Variants in CELF2 observed in about 807,000 individuals in gnomAD.
CELF2 encodes the protein CUG triplet repeat RNA-binding protein 2.
CELF2 carries 8 observed loss-of-function variants against 62.6 expected under a neutral mutation model. The observed-to-expected ratio is 0.13, with a 90% CI of 0.07 to 0.23. The LOEUF is 0.23. Among genes scored for constraint, CELF2 ranks in the 10% least tolerant of loss-of-function variants. The pLI is 1.00. For missense variants in CELF2, 333 were observed against 671.0 expected (o/e 0.50, Z 5.56); for synonymous variants, 258 against 250.0 (o/e 1.03, Z -0.30).
rs540585595 is a variant in CELF2, at chr10:10,995,883, A to G, written c.89+75884A>G. On this transcript the variant is annotated intron_variant, in intron 2 of 13. Coordinates refer to the CELF2 transcript ENST00000636488. This position sits in a 1 kb window ranked among gnomAD's most constrained non-coding sequence, Gnocchi z 4.7. ...TGGGCATTCTAGTTTCTATATATTT[A>G]TGTTCATCAAATTATGCATTGGTTC... 2.0e-5 allele frequency among the ~76,000 whole-genome samples: 3 copies of G among 152,148 alleles called. No homozygotes were observed. The highest frequency in any genetic ancestry group is 4.4e-5 in the Non-Finnish European group (3 of 68,026).
chr10:10,863,214 A>G (rs1186542111), intron 1 of CELF2, among the ~76,000 whole-genome samples: 1 of 152,208 alleles, frequency 6.6e-6, no homozygotes, highest in African/African-American at 2.4e-5. Flanking sequence ...AATTTTCTTT[A>G]TTAGAGTCCC....
At chr10:11,106,931 G>A (rs1374306841) in intron 1 of CELF2, among the ~76,000 whole-genome samples, 1 of 152,206 alleles carries the variant, frequency 6.6e-6, no homozygotes, top group East Asian at 1.9e-4. Context: ...CACCTCCTGT[G>A]CCTGCAGGGG....
At chr10:11,273,962 A>ACC (rs2084922130) in intron 7 of CELF2, among the ~76,000 whole-genome samples, 2 of 20,834 alleles carry the variant, frequency 9.6e-5, no homozygotes, top group African/African-American at 2.2e-4. Flanking sequence ...ACCTCAAGTG[A>ACC]TCCCCACCCC....
intron 1 of CELF2, among the ~76,000 whole-genome samples, chr10:10,895,725 T>C (rs1268335670): frequency 2.0e-5 from 3 of 152,062 alleles, no homozygotes; most frequent in Admixed American, 6.5e-5. Context: ...ACCAAAAACA[T>C]GGGCAAAATA....
chr10:11,261,395 A>G (rs1435050053), intron 5 of CELF2, among the ~76,000 whole-genome samples: 4 of 147,314 alleles, frequency 2.7e-5, no homozygotes, highest in Admixed American at 6.8e-5. Flanking sequence ...AAGTCGTGCT[A>G]TACTTTCAGT....
rs1393104516 is a variant in CELF2, at chr10:10,953,595, A to T, written c.89+33596A>T. Among the ~76,000 whole-genome samples, 7 of 152,222 alleles carry T rather than the reference A, an allele frequency of 4.6e-5. No individual in the cohort carries two copies. The South Asian group carries it at 1.4e-3, about 31-fold the overall frequency. ...AGTTAGAGCCATACCTTCCACCAGG[A>T]TGAATTTCAAATGGATCAAAGACTT... On this transcript the variant is annotated intron_variant, in intron 2 of 13. Transcript: ENST00000636488.
At chr10:10,717,026 G>A in the CELF2 span, among the ~76,000 whole-genome samples, 2 of 152,098 alleles carry the variant, frequency 1.3e-5, no homozygotes, top group African/African-American at 4.8e-5. Context: ...GGACTCAGTG[G>A]GATCATAATG....
chr10:11,085,487 A>G (rs1003110946), intron 1 of CELF2, among the ~76,000 whole-genome samples: 1 of 152,218 alleles, frequency 6.6e-6, no homozygotes, highest in African/African-American at 2.4e-5. Context: ...GGCAATAACA[A>G]TAATAGCTAA....
intron 1 of CELF2, among the ~76,000 whole-genome samples, chr10:11,119,969 T>G (rs1300381537): frequency 1.3e-5 from 2 of 151,580 alleles, no homozygotes; most frequent in Non-Finnish European, 2.9e-5. Flanking sequence ...CACATATAAT[T>G]GTGCAACTTC....
chr10:10,644,880 G>C, the CELF2 span, among the ~76,000 whole-genome samples: 1,419 of 152,256 alleles, frequency 9.3e-3, 32 homozygotes, highest in Non-Finnish European at 8.7e-3. Context: ...GAAAATGTCA[G>C]ATGGGGTTCA....
intron 1 of CELF2, among the ~76,000 whole-genome samples, chr10:10,870,291 T>G (rs771259253): frequency 6.6e-6 from 1 of 152,196 alleles, no homozygotes; most frequent in Non-Finnish European, 1.5e-5. Flanking sequence ...CATAAGTCAT[T>G]GAGATTATTT....
chr10:11,140,465 C>A (rs772362020), intron 1 of CELF2, among the ~76,000 whole-genome samples: 1 of 152,006 alleles, frequency 6.6e-6, no homozygotes, highest in Non-Finnish European at 1.5e-5. Flanking sequence ...CTGTGAAATA[C>A]TGTAGGTGTG....
Position 10,993,410 on chromosome 10 carries a change from G to GT in CELF2, c.89+73412dup, listed in dbSNP as rs1345507563. 6.6e-6 allele frequency among the ~76,000 whole-genome samples: 1 copy of GT among 152,144 alleles called. No homozygotes were observed. Among genetic ancestry groups the GT allele is most frequent in the Admixed American group, 6.5e-5 (1 of 15,268 alleles). On this transcript the variant is annotated intron_variant, in intron 2 of 13. Coordinates refer to the CELF2 transcript ENST00000636488. This position sits in a 1 kb window ranked among gnomAD's most constrained non-coding sequence, Gnocchi z 5.3. Reference sequence around the variant, plus strand: ...GGCAGGTGATATTTGAACTGCAACTGTAAGGATGAGCAGGAGTTAACTGGG... The same window carrying GT: ...GGCAGGTGATATTTGAACTGCAACTGTTAAGGATGAGCAGGAGTTAACTGGG...
the CELF2 span, among the ~76,000 whole-genome samples, chr10:10,682,827 ACGT>A: frequency 2.0e-5 from 3 of 152,066 alleles, no homozygotes; most frequent in African/African-American, 7.2e-5. Context: ...TTCCCCCAAA[ACGT>A]CGGCTTCTTT....
At chr10:10,761,186 G>A in the CELF2 span, among the ~76,000 whole-genome samples, 1 of 152,176 alleles carries the variant, frequency 6.6e-6, no homozygotes, top group Non-Finnish European at 1.5e-5. Flanking sequence ...AATGGGTGTT[G>A]GCTGGAATTG....
At chr10:10,735,644 C>T in the CELF2 span, among the ~76,000 whole-genome samples, 1 of 152,182 alleles carries the variant, frequency 6.6e-6, no homozygotes. Flanking sequence ...TTGAATGCAT[C>T]ATCCCCATGA....
chr10:10,753,101 G>T, the CELF2 span, among the ~76,000 whole-genome samples: 3 of 152,106 alleles, frequency 2.0e-5, no homozygotes, highest in South Asian at 2.1e-4. Context: ...TTCTCTGAGT[G>T]CATTAAATAT....
chr10:11,228,779 A>G (rs2067531343), intron 3 of CELF2, among the ~76,000 whole-genome samples: 1 of 151,944 alleles, frequency 6.6e-6, no homozygotes. Context: ...TGAGAATCTC[A>G]GTCACTGAGT....
Position 11,316,019 on chromosome 10 carries a change from G to A in CELF2, c.1096+1761G>A, listed in dbSNP as rs112874528. 9.0e-3 allele frequency among the ~76,000 whole-genome samples: 1,370 copies of A among 152,302 alleles called. 7 individuals are homozygous for A. The highest frequency in any genetic ancestry group is 0.015 in the Admixed American group (226 of 15,304). ...GGTGTGTGTGTGTCCTCTCGTCTGC[G>A]TCCCGCCCTGTCCACGCTGCTCTGC... On this transcript the variant is annotated intron_variant, in intron 10 of 12. Transcript: ENST00000633077. The surrounding 1 kb of genome is among the most constrained non-coding windows in gnomAD (Gnocchi z 4.4).
Sources: allele counts gnomAD v4.1 joint callset (sites outside exome capture counted in the v4.1 genomes callset), GRCh38; gene constraint gnomAD v4.1.1; non-coding constraint Gnocchi (gnomAD v3.1); transcripts MANE v1.5; gene names NCBI Gene and HGNC (gene_info 2026-07-23, HGNC 2026-07-21).